MON2: variants seen among roughly 807,000 people sequenced by gnomAD.
The protein encoded by MON2 is MON2 regulator of endosome-to-Golgi trafficking, also known as protein MON2 homolog.
A neutral mutation model predicts 208.6 loss-of-function variants in MON2; 84 were observed. The ratio of observed to expected loss-of-function variants is 0.40; its 90% CI spans 0.34 to 0.48. The LOEUF (loss-of-function observed/expected upper bound fraction) is 0.48, where lower values mean the gene tolerates loss of function less well. Among genes scored for constraint, MON2 ranks in the 20% least tolerant of loss-of-function variants. The pLI, the probability that MON2 is intolerant of heterozygous loss-of-function variation, is 0.59. For missense variants in MON2, 1,611 were observed against 2,015.4 expected (o/e 0.80, Z 3.84); for synonymous variants, 660 against 694.0 (o/e 0.95, Z 0.77).
chr12:62,565,319 G>A lies in MON2; in HGVS notation c.4115G>A (p.Cys1372Tyr), dbSNP rs748265130. 1.4e-5 allele frequency: 22 copies of A among 1,612,852 alleles called. No individual in the cohort carries two copies. Among genetic ancestry groups the A allele is most frequent in the South Asian group, 2.2e-5 (2 of 91,002 alleles). ...DQLLAFVEFSCKPPQYGQLET... is the reference protein window; with the variant it reads ...DQLLAFVEFSYKPPQYGQLET... ...TTGTTGGCATTTGTAGAATTTTCCT[G>A]TAAACCTCCACAGTATGGACAGCTG... The change falls in exon 27 of 35, where the codon TGT becomes TAT. Residue 1372 changes from cysteine to tyrosine, a missense_variant. Physicochemically the swap from Cys to Tyr is radical, Grantham distance 194. Coordinates refer to ENST00000393630, the MANE Select transcript of MON2 (RefSeq NM_015026.3).
chr12:62,543,924 C>T (rs969029543), intron 20 of MON2, among the ~76,000 whole-genome samples: 1 of 152,110 alleles, frequency 6.6e-6, no homozygotes, highest in African/African-American at 2.4e-5. Flanking sequence ...TATGAGATAG[C>T]TTTCTGTGAA....
intron 22 of MON2, among the ~76,000 whole-genome samples, chr12:62,547,350 T>A (rs2073534053): frequency 6.6e-6 from 1 of 152,186 alleles, no homozygotes; most frequent in African/African-American, 2.4e-5. Flanking sequence ...CATGCAAGAA[T>A]ACATGATTCT....
At chr12:62,501,201 G>C (rs903706415) in intron 6 of MON2, among the ~76,000 whole-genome samples, 5 of 152,072 alleles carry the variant, frequency 3.3e-5, no homozygotes, top group Non-Finnish European at 7.4e-5. Flanking sequence ...AGTATAATTT[G>C]ATACATAGAT....
At chr12:62,511,943 G>A (rs11559995) in intron 8 of MON2, among the ~76,000 whole-genome samples, 14,561 of 152,152 alleles carry the variant, frequency 0.096, 813 homozygotes, top group Non-Finnish European at 0.12. Context: ...GAAGGTGAAA[G>A]GCACATCTCA....
In MON2 at chr12:62,560,984, CAT is replaced by C. The variant is rs1191932133; in HGVS notation, c.3906_3907del (p.Leu1303AlafsTer59). On this transcript the variant is annotated frameshift_variant, in exon 26 of 35. Transcript: ENST00000393630. LOFTEE classifies it high-confidence loss of function. Reference protein sequence around the residue: ...NMDDLQKLGVILHSAISVPIS... With the variant: ...NMDDLQKLGVXLHSAISVPIS... ...TGGATGACTTGCAAAAGTTGGGAGT[CAT>C]ATTGCACAGTGCTATTTCAGTCCCA... 1 of 1,613,890 alleles carries C rather than the reference CAT, an allele frequency of 6.2e-7. No homozygotes were observed.
intron 1 of MON2, chr12:62,470,723 T>G: frequency 1.7e-6 from 2 of 1,172,790 alleles, no homozygotes; most frequent in South Asian, 3.4e-5. Flanking sequence ...GGTATCTAAC[T>G]GAGCCTGGAA....
At chr12:62,469,115 CTTTT>C (rs564958691) in intron 1 of MON2, among the ~76,000 whole-genome samples, 13 of 113,530 alleles carry the variant, frequency 1.1e-4, no homozygotes, top group Admixed American at 1.8e-4. Context: ...AATTTTTCGC[CTTTT>C]TTTTTTTTTT....
At chr12:62,573,292 A>G (rs906225950) in intron 30 of MON2, among the ~76,000 whole-genome samples, 3 of 152,132 alleles carry the variant, frequency 2.0e-5, no homozygotes, top group Non-Finnish European at 4.4e-5. Context: ...GTTAATTTGT[A>G]TCAAGCACAT....
rs1172100615 is a variant in MON2 at position 62,492,473 on chromosome 12, G to A, written c.176-1442G>A. On this transcript the variant is annotated intron_variant, in intron 2 of 34. Transcript: ENST00000393630. ...TGCAAGCTCCGCTTCCCGGGTTCAC[G>A]CCATTCTCCTGCCTCAGCCTCCCGA... Among the ~76,000 whole-genome samples the A allele has an allele frequency of 4.1e-5, 6 of 146,138 alleles. No individual in the cohort carries two copies. The East Asian group carries it at 6.2e-4, about 15-fold the overall frequency.
At chr12:62,543,300 TC>T (rs1299749794) in intron 20 of MON2, 102 bp downstream of exon 20, 13 of 549,994 alleles carry the variant, frequency 2.4e-5, no homozygotes, top group Admixed American at 4.1e-5. Flanking sequence ...TAACTTTTTT[TC>T]CCCCTTTCCT....
intron 25 of MON2, 65 bp downstream of exon 25, chr12:62,556,257 A>G: frequency 2.1e-6 from 3 of 1,429,108 alleles, no homozygotes; most frequent in Non-Finnish European, 2.9e-6. Context: ...GAAAATACAG[A>G]CGATTCTTTT....
chr12:62,481,487 G>A (rs190598254), intron 1 of MON2, among the ~76,000 whole-genome samples: 1,658 of 140,630 alleles, frequency 0.012, 40 homozygotes, highest in African/African-American at 0.042. Context: ...GATGGAGCCA[G>A]CCTGGGCAAC....
rs750253845 is a variant in MON2, at chr12:62,560,533, A to T, written c.3452A>T (p.Gln1151Leu). 3.1e-6 allele frequency: 5 copies of T among 1,613,666 alleles called. No individual in the cohort carries two copies. The Admixed American group carries it at 8.3e-5, about 27-fold the overall frequency. The change falls in exon 26 of 35, where the codon CAG becomes CTG. Residue 1151 changes from glutamine (Q) to leucine (L), a missense_variant. Coordinates refer to ENST00000393630, the MANE Select transcript of MON2 (RefSeq NM_015026.3). ...TGGGATGTTCTTCTTGACCATATAC[A>T]GTCAGCAGCACTCAGCAAAAACAAT... ...RAWDVLLDHI[Q>L]SAALSKNNEV...
At position 62,526,053 on chromosome 12, in the gene MON2, T is replaced by C. The variant is rs1429110028; in HGVS notation, c.1351T>C (p.Trp451Arg). The C allele has an allele frequency of 6.2e-7, 1 of 1,613,946 alleles. No homozygotes were observed. The highest frequency in any genetic ancestry group is 1.7e-5 in the Admixed American group (1 of 60,026). ...ACCAGCATTTGAATATAGGGGAACC[T>C]GGATACCTATTCTGACAATCACAGT... ...LLPAFEYRGTWIPILTITVQG... is the reference protein window; with the variant it reads ...LLPAFEYRGTRIPILTITVQG... Residue 451 changes from tryptophan (W) to arginine (R), a missense_variant, in exon 11 of 35, where the codon TGG becomes CGG. By Grantham distance (101) the Trp-to-Arg change is moderately radical. Coordinates refer to ENST00000393630, the MANE Select transcript of MON2 (RefSeq NM_015026.3).
At chr12:62,546,568 A>G (rs2136280966) in intron 21 of MON2, among the ~76,000 whole-genome samples, 1 of 152,252 alleles carries the variant, frequency 6.6e-6, no homozygotes, top group East Asian at 1.9e-4. Context: ...AGCCTGACCA[A>G]CATGGTGAAA....
chr12:62,539,672 A>G (rs1301328496), intron 19 of MON2, among the ~76,000 whole-genome samples: 3 of 152,174 alleles, frequency 2.0e-5, no homozygotes, highest in Non-Finnish European at 4.4e-5. Flanking sequence ...GCATAGTTTC[A>G]TATATTATAG....
intron 10 of MON2, 120 bp from the exon 11 acceptor site, chr12:62,525,829 A>G: frequency 1.3e-6 from 1 of 760,864 alleles, no homozygotes; most frequent in South Asian, 1.8e-5. Context: ...TTATTTCTGC[A>G]ATACCCATTC....
At chr12:62,473,596 G>A (rs1286803791) in intron 1 of MON2, among the ~76,000 whole-genome samples, 1 of 151,870 alleles carries the variant, frequency 6.6e-6, no homozygotes, top group Non-Finnish European at 1.5e-5. Context: ...TTTGAGACAG[G>A]GTCTTACTCT....
At chr12:62,539,871 G>A (rs1946409912) in intron 19 of MON2, among the ~76,000 whole-genome samples, 1 of 151,846 alleles carries the variant, frequency 6.6e-6, no homozygotes. Flanking sequence ...ACAAAAATTA[G>A]CTGGACATGC....
Sources: gnomAD v4.1 joint callset for allele counts (sites outside exome capture counted in the v4.1 genomes callset) on GRCh38, gnomAD v4.1.1 for gene constraint, MANE v1.5 for transcripts, NCBI Gene and HGNC (gene_info 2026-07-23, HGNC 2026-07-21) for gene names.